TRIP12: variants seen among roughly 807,000 people sequenced by gnomAD.
The protein encoded by TRIP12 is E3 ubiquitin-protein ligase TRIP12.
In TRIP12, 25 loss-of-function variants were observed where a neutral mutation model predicts 244.2. The ratio of observed to expected loss-of-function variants is 0.10; its 90% confidence interval spans 0.07 to 0.14. The LOEUF is 0.14. TRIP12 is among the 10% of genes least tolerant of loss of function. The pLI is 1.00. For synonymous variants in TRIP12, 905 were observed against 873.1 expected, an observed-to-expected ratio of 1.04 and a Z score of -0.64; for missense variants, 1,677 against 2,486.4, an observed-to-expected ratio of 0.67 and a Z score of 6.92.
At chr2:229,828,366 G>A (rs571171838) in intron 8 of TRIP12, among the ~76,000 whole-genome samples, 1 of 150,014 alleles carries the variant, frequency 6.7e-6, no homozygotes, top group African/African-American at 2.4e-5. Context: ...TCCTTTCCAG[G>A]CTTCTCCCCA....
intron 8 of TRIP12, among the ~76,000 whole-genome samples, chr2:229,825,128 T>C (rs2051184426): frequency 6.6e-6 from 1 of 152,210 alleles, no homozygotes; most frequent in East Asian, 1.9e-4. Flanking sequence ...TTAATAATAA[T>C]ACTTTCAGCA....
At chr2:229,905,905 A>G (rs905830570) in intron 1 of TRIP12, among the ~76,000 whole-genome samples, 4 of 152,204 alleles carry the variant, frequency 2.6e-5, no homozygotes, top group East Asian at 1.9e-4. Flanking sequence ...TAATAAACCA[A>G]TGTTCACTAA....
At chr2:229,922,224 AC>A (rs1379029380), upstream of TRIP12, 2 of 319,568 alleles carry the variant, frequency 6.3e-6, no homozygotes, top group African/African-American at 4.3e-5. Flanking sequence ...CCTTCGAGGG[AC>A]CAGGAAGGGG....
chr2:229,848,521 T>C lies in TRIP12; in HGVS notation c.1028-7594A>G, dbSNP rs528932791. Among the ~76,000 whole-genome samples, 3 of 152,284 alleles carry C rather than the reference T, an allele frequency of 2.0e-5. No individual in the cohort carries two copies. In the East Asian group the frequency reaches 5.8e-4, roughly 29 times the overall value. ...GCATTTCAAGAGAAAAGTTGGAAGA[T>C]GTAGAAATCTACCAGAAACAGAACG... On this transcript the variant is annotated intron_variant, in intron 4 of 41. Transcript: ENST00000675903.
At chr2:229,796,809 A>G (rs958506866) in intron 24 of TRIP12, 27 bp from the exon 25 acceptor site, 1 of 1,528,534 alleles carries the variant, frequency 6.5e-7, no homozygotes, top group Non-Finnish European at 8.8e-7. Context: ...AAGTATTTCT[A>G]TATTGATTTA....
chr2:229,803,474 A>T, intron 20 of TRIP12, 97 bp downstream of exon 20: 1 of 750,002 alleles, frequency 1.3e-6, no homozygotes. Context: ...TGTCATTTTT[A>T]AATTGAAAAG....
intron 37 of TRIP12, among the ~76,000 whole-genome samples, chr2:229,776,265 T>C (rs925947166): frequency 4.6e-5 from 7 of 152,210 alleles, no homozygotes; most frequent in Admixed American, 2.0e-4. Flanking sequence ...CTTGCTTTTT[T>C]GTTTCTCCTT....
intron 4 of TRIP12, among the ~76,000 whole-genome samples, chr2:229,857,289 G>A (rs1330237156): frequency 1.3e-5 from 2 of 152,118 alleles, no homozygotes; most frequent in Admixed American, 6.5e-5. Flanking sequence ...AAATTGTAGA[G>A]ATAAGTGCTT....
At chr2:229,782,543 T>C (rs543692016) in intron 34 of TRIP12, among the ~76,000 whole-genome samples, 4 of 152,316 alleles carry the variant, frequency 2.6e-5, no homozygotes, top group South Asian at 2.1e-4. Flanking sequence ...AACTACACTG[T>C]AATCTTTTGA....
rs774247922 is a variant in TRIP12, at chr2:229,802,387, T to C, written c.3071A>G (p.Asn1024Ser). 2.5e-6 allele frequency: 4 copies of C among 1,614,010 alleles called. No homozygotes were observed. The highest frequency in any genetic ancestry group is 1.1e-5 in the South Asian group (1 of 91,064). Residue 1024 changes from asparagine to serine, a missense_variant, in exon 21 of 42, where the codon AAT (asparagine) becomes AGT (serine). Around this residue, in one of 11 missense-constraint regions of TRIP12, gnomAD observed 572 missense variants for 867.8 expected, o/e 0.66. Coordinates refer to ENST00000675903, the MANE Select transcript of TRIP12 (RefSeq NM_001348323.3). The part of the protein sequence containing the change: ...LLTSPPKACT[N>S]GSGSMGSTTS... ...TGTGGATCCCATGGATCCCGATCCA[T>C]TCGTACATGCCTTTGGTGGACTTGT...
intron 1 of TRIP12, among the ~76,000 whole-genome samples, chr2:229,886,861 A>C (rs1473924865): frequency 3.9e-5 from 6 of 152,244 alleles, no homozygotes; most frequent in Non-Finnish European, 7.3e-5. Context: ...AGTATGGGTT[A>C]CGTGTATTCT....
chr2:229,842,696 ATACAG>A (rs1300732433), intron 4 of TRIP12, among the ~76,000 whole-genome samples: 1 of 139,838 alleles, frequency 7.2e-6, no homozygotes, highest in Non-Finnish European at 1.6e-5. Context: ...ACATACCATG[ATACAG>A]TAATAGACAG....
chr2:229,792,003 A>G lies in TRIP12; in HGVS notation c.4278T>C (p.His1426=). 1.9e-6 allele frequency: 3 copies of G among 1,614,140 alleles called. No homozygotes were observed. Among genetic ancestry groups the G allele is most frequent in the Non-Finnish European group, 2.5e-6 (3 of 1,179,998 alleles). ...RHRLQFYIGE[H]LLPYNMTVYQ... is the part of the protein sequence containing the mutation. ...ACACAGTCATGTTATACGGCAGCAA[A>G]TGTTCTCCAATATAAAACTGCAGCC... Residue 1426 remains histidine, a synonymous_variant, in exon 29 of 42, where the codon CAT becomes CAC. Transcript: ENST00000675903.
intron 29 of TRIP12, 89 bp downstream of exon 29, chr2:229,791,777 A>G (rs933987920): frequency 2.1e-6 from 3 of 1,416,670 alleles, no homozygotes; most frequent in Non-Finnish European, 2.9e-6. Flanking sequence ...ATCCTTATGA[A>G]AGCCAGCCAT....
At chr2:229,879,890 T>C (rs776752302) in intron 2 of TRIP12, 92 bp downstream of exon 2, 13 of 1,378,156 alleles carry the variant, frequency 9.4e-6, no homozygotes, top group Non-Finnish European at 1.3e-5. Flanking sequence ...CCATATGCAA[T>C]GAACCATTCA....
chr2:229,850,177 C>T (rs1413831188), intron 4 of TRIP12, among the ~76,000 whole-genome samples: 6 of 152,150 alleles, frequency 3.9e-5, no homozygotes, highest in Non-Finnish European at 8.8e-5. Flanking sequence ...CAATATATAA[C>T]ATGGCCATTT....
At chr2:229,830,702 A>T (rs973384105) in intron 7 of TRIP12, 54 bp downstream of exon 7, 26 of 1,483,598 alleles carry the variant, frequency 1.8e-5, no homozygotes, top group Non-Finnish European at 2.4e-5. Context: ...AAAGAATGGT[A>T]TTAACAGGTA....
rs958906674 is a variant in TRIP12 at position 229,764,442 on chromosome 2, G to A, written c.*3112C>T. On this transcript the variant is annotated 3_prime_UTR_variant, in exon 42 of 42. Transcript: ENST00000675903. ...TTGATCATTTTACTAGTAGAGAAAT[G>A]AACAATAGCATCCAGAATCCTCCAA... The A allele has an allele frequency of 2.6e-5, 4 of 152,148 alleles. No individual in the cohort carries two copies. Among genetic ancestry groups the A allele is most frequent in the African/African-American group, 7.2e-5 (3 of 41,454 alleles). 9.4% of individuals were successfully genotyped at this position (152,148 alleles called of 1,614,324 possible).
intron 39 of TRIP12, among the ~76,000 whole-genome samples, chr2:229,770,214 C>A (rs1265425320): frequency 1.3e-5 from 2 of 152,128 alleles, no homozygotes; most frequent in African/African-American, 4.8e-5. Flanking sequence ...AGTGATCTTC[C>A]CACCTCCATC....
Sources: allele counts gnomAD v4.1 joint callset (sites outside exome capture counted in the v4.1 genomes callset), GRCh38; gene constraint gnomAD v4.1.1; regional missense constraint gnomAD v4.1.1; transcripts MANE v1.5; gene names NCBI Gene and HGNC (gene_info 2026-07-23, HGNC 2026-07-21).